VTA1: variants seen among roughly 807,000 people sequenced by gnomAD.
VTA1 encodes the protein vesicle trafficking 1.
A neutral mutation model predicts 36.9 loss-of-function variants in VTA1; 24 were observed. The ratio of observed to expected loss-of-function variants is 0.65; its 90% confidence interval spans 0.47 to 0.91. The LOEUF (loss-of-function observed/expected upper bound fraction) is 0.91, where lower values mean the gene tolerates loss of function less well. VTA1 is among the 40% of genes least tolerant of loss of function. The pLI, the probability that VTA1 is intolerant of heterozygous loss-of-function variation, is 0.00. For missense variants in VTA1, 393 were observed against 377.2 expected (o/e 1.04, Z -0.35); for synonymous variants, 142 against 130.2 (o/e 1.09, Z -0.62).
chr6:142,198,223 TGAAA>T (rs1775605313), intron 5 of VTA1, among the ~76,000 whole-genome samples: 1 of 150,334 alleles, frequency 6.7e-6, no homozygotes, highest in Admixed American at 6.6e-5. Flanking sequence ...AATATTAACC[TGAAA>T]GAAGTGATAA....
chr6:142,179,658 GA>G (rs549822328), intron 4 of VTA1, among the ~76,000 whole-genome samples: 114 of 152,206 alleles, frequency 7.5e-4, no homozygotes, highest in African/African-American at 2.6e-3. Context: ...CACACCAAAG[GA>G]AGTTGATCTG....
At chr6:142,158,926 G>A (rs225639) in intron 1 of VTA1, among the ~76,000 whole-genome samples, 57,959 of 151,834 alleles carry the variant, frequency 0.38, 11,818 homozygotes, top group Middle Eastern at 0.53. Context: ...GTTGTCATAC[G>A]TTGTACTTAT....
At chr6:142,197,966 A>G (rs1051216874) in intron 5 of VTA1, among the ~76,000 whole-genome samples, 1 of 150,178 alleles carries the variant, frequency 6.7e-6, no homozygotes, top group Non-Finnish European at 1.5e-5. Flanking sequence ...GAGTGGTGGC[A>G]GGCGCCTGTA....
At chr6:142,209,387 T>TA (rs1775856226) in intron 7 of VTA1, among the ~76,000 whole-genome samples, 1 of 150,394 alleles carries the variant, frequency 6.6e-6, no homozygotes. Flanking sequence ...ATATACACTA[T>TA]GTGTATATAT....
intron 3 of VTA1, 121 bp downstream of exon 3, chr6:142,169,798 A>T (rs533537630): frequency 2.2e-6 from 2 of 922,002 alleles, no homozygotes; most frequent in Non-Finnish European, 3.0e-6. Flanking sequence ...TTAGAAAAAA[A>T]TTATCAAACC....
intron 7 of VTA1, among the ~76,000 whole-genome samples, chr6:142,215,912 C>T (rs1775995865): frequency 6.6e-6 from 1 of 152,246 alleles, no homozygotes; most frequent in South Asian, 2.1e-4. Flanking sequence ...ACTGATAGTT[C>T]TAGCTCTCTT....
intron 5 of VTA1, among the ~76,000 whole-genome samples, chr6:142,193,306 G>T (rs2114668698): frequency 6.6e-6 from 1 of 152,138 alleles, no homozygotes; most frequent in East Asian, 1.9e-4. Context: ...TGAAATATTG[G>T]TGATGTTAAC....
rs1776099338 is a variant in VTA1 at position 142,220,979 on chromosome 6, C to T, written c.*2336C>T. 6.6e-6 allele frequency: 1 copy of T among 152,062 alleles called. No individual in the cohort carries two copies. The highest frequency in any genetic ancestry group is 1.5e-5 in the Non-Finnish European group (1 of 68,032). 9.4% of individuals were successfully genotyped at this position (152,062 alleles called of 1,614,324 possible). A position where few individuals can be genotyped will look rare whatever the true frequency, so the allele number is the denominator to read the frequency against. On this transcript the variant is annotated 3_prime_UTR_variant, in exon 8 of 8. Coordinates refer to ENST00000367630, the MANE Select transcript of VTA1 (RefSeq NM_016485.5). ...GGCTCTCCGAGTGTGATTAGAAATA[C>T]AAATTTTGGGCCCCACCTGTCCTAC...
At chr6:142,216,004 C>CT (rs1381723657) in intron 7 of VTA1, among the ~76,000 whole-genome samples, 1 of 152,054 alleles carries the variant, frequency 6.6e-6, no homozygotes, top group Admixed American at 6.6e-5. Context: ...TCGTCTGTAA[C>CT]TTATAAGCTA....
intron 1 of VTA1, among the ~76,000 whole-genome samples, chr6:142,161,931 G>A (rs1774817378): frequency 6.6e-6 from 1 of 152,062 alleles, no homozygotes. Context: ...AAGATATTTA[G>A]AAATATAAAA....
chr6:142,147,782 A>G (rs1346972596), intron 1 of VTA1, among the ~76,000 whole-genome samples: 1 of 152,244 alleles, frequency 6.6e-6, no homozygotes, highest in Non-Finnish European at 1.5e-5. Flanking sequence ...TGATGTGGAT[A>G]AAAGGACGAT....
At chr6:142,164,596 G>T (rs1392293464) in intron 1 of VTA1, among the ~76,000 whole-genome samples, 1 of 152,042 alleles carries the variant, frequency 6.6e-6, no homozygotes, top group Non-Finnish European at 1.5e-5. Flanking sequence ...TTTTTAAAGA[G>T]AATTTTTGAC....
At chr6:142,180,839 G>A (rs1582888752) in intron 4 of VTA1, among the ~76,000 whole-genome samples, 1 of 151,554 alleles carries the variant, frequency 6.6e-6, no homozygotes, top group South Asian at 2.1e-4. Flanking sequence ...CAGCTTGGTT[G>A]GTATTTTTTA....
chr6:142,192,472 A>G (rs1162532816), intron 5 of VTA1, among the ~76,000 whole-genome samples: 3 of 152,136 alleles, frequency 2.0e-5, no homozygotes, highest in Non-Finnish European at 4.4e-5. Flanking sequence ...AGAACAGTAG[A>G]TCATTGAAAC....
At chr6:142,178,380 G>T (rs1775165773) in intron 4 of VTA1, among the ~76,000 whole-genome samples, 1 of 151,954 alleles carries the variant, frequency 6.6e-6, no homozygotes, top group African/African-American at 2.4e-5. Context: ...AAAAAATGAA[G>T]GTTTTAAAAA....
chr6:142,174,429 T>C (rs139128999), intron 4 of VTA1, among the ~76,000 whole-genome samples: 2 of 58,662 alleles, frequency 3.4e-5, no homozygotes, highest in Non-Finnish European at 1.2e-4. Context: ...CCAATGCCTG[T>C]ACCACCATTC....
intron 1 of VTA1, among the ~76,000 whole-genome samples, chr6:142,153,087 G>C (rs917792738): frequency 6.6e-6 from 1 of 151,792 alleles, no homozygotes; most frequent in Non-Finnish European, 1.5e-5. Flanking sequence ...TTTCAATCTT[G>C]ATTCTCCTGG....
In VTA1 at chr6:142,198,563, T is replaced by G; in HGVS notation, c.645T>G (p.Pro215=). 1.2e-6 allele frequency: 2 copies of G among 1,613,964 alleles called. No homozygotes were observed. Among genetic ancestry groups the G allele is most frequent in the Non-Finnish European group, 1.7e-6 (2 of 1,179,892 alleles). Residue 215 remains proline (P), a synonymous_variant, in exon 6 of 8, where the codon CCT becomes CCG. Coordinates refer to ENST00000367630, the MANE Select transcript of VTA1 (RefSeq NM_016485.5). ...GCAACTATACTGGAATACAGATTCC[T>G]CCGGGTGCACACGCTCCAGCTAATA... ...PSGNYTGIQI[P]PGAHAPANTP...
intron 4 of VTA1, among the ~76,000 whole-genome samples, chr6:142,172,667 TTC>T (rs1434044472): frequency 1.3e-5 from 2 of 152,222 alleles, no homozygotes; most frequent in Non-Finnish European, 2.9e-5. Context: ...TTTTCTTTTC[TTC>T]TCTGTTTTAC....
Sources: gnomAD v4.1 joint callset for allele counts (sites outside exome capture counted in the v4.1 genomes callset) on GRCh38, gnomAD v4.1.1 for gene constraint, MANE v1.5 for transcripts, NCBI Gene and HGNC (gene_info 2026-07-23, HGNC 2026-07-21) for gene names.